Variants in FOXP2 observed in about 807,000 individuals in gnomAD.
FOXP2 encodes forkhead box P2, also known as forkhead box protein P2.
In FOXP2, 12 loss-of-function variants were observed where a neutral mutation model predicts 115.8. The ratio of observed to expected loss-of-function variants is 0.10; its 90% CI spans 0.07 to 0.17. The LOEUF (loss-of-function observed/expected upper bound fraction) is 0.17, where lower values mean the gene tolerates loss of function less well. FOXP2 is among the 10% of genes least tolerant of loss of function. The pLI is 1.00. For synonymous variants in FOXP2, 328 were observed against 297.7 expected (o/e 1.10, Z -1.05); for missense variants, 629 against 843.5 (o/e 0.75, Z 3.15).
chr7:114,677,320 T>C (rs962038713), intron 16 of FOXP2, among the ~76,000 whole-genome samples: 1 of 152,208 alleles, frequency 6.6e-6, no homozygotes, highest in Admixed American at 6.5e-5. Flanking sequence ...TATATAAATA[T>C]TCTAGTCATT....
intron 2 of FOXP2, among the ~76,000 whole-genome samples, chr7:114,489,339 T>C (rs1007139882): frequency 6.2e-4 from 95 of 152,158 alleles, no homozygotes; most frequent in Non-Finnish European, 1.2e-4. Context: ...GTTTTAAATA[T>C]ACTAGAAATA....
chr7:114,218,829 G>A (rs1294388312), intron 1 of FOXP2, among the ~76,000 whole-genome samples: 1 of 152,038 alleles, frequency 6.6e-6, no homozygotes, highest in Admixed American at 6.6e-5. Context: ...ATCCCAAACA[G>A]CCACATTTCT....
chr7:114,226,128 T>A (rs1387380569), intron 1 of FOXP2, among the ~76,000 whole-genome samples: 2 of 152,228 alleles, frequency 1.3e-5, no homozygotes, highest in Non-Finnish European at 2.9e-5. Context: ...ACTCATAAAA[T>A]GTTTTACCTT....
chr7:114,154,437 A>T (rs1187352003), intron 1 of FOXP2, among the ~76,000 whole-genome samples: 1 of 152,088 alleles, frequency 6.6e-6, no homozygotes, highest in Admixed American at 6.6e-5. Flanking sequence ...TATTCAAAAA[A>T]TAAGTGTAAG....
chr7:114,413,591 C>T (rs1793224211), upstream of FOXP2, among the ~76,000 whole-genome samples: 1 of 152,010 alleles, frequency 6.6e-6, no homozygotes. Flanking sequence ...AGAATAAGTG[C>T]TTTCAGTTCC....
intron 2 of FOXP2, among the ~76,000 whole-genome samples, chr7:114,477,283 A>G (rs1306793061): frequency 1.3e-5 from 2 of 152,026 alleles, no homozygotes; most frequent in Non-Finnish European, 2.9e-5. Flanking sequence ...TAGTTTGGAC[A>G]AAGAAAATAT....
rs554304106 is a variant in FOXP2, at chr7:114,186,637, C to A, written c.-102+23549C>A. 3.0e-4 allele frequency among the ~76,000 whole-genome samples: 46 copies of A among 152,238 alleles called. No individual in the cohort carries two copies. The South Asian group carries it at 8.1e-3, about 27-fold the overall frequency. On this transcript the variant is annotated intron_variant, in intron 1 of 17. Transcript: ENST00000634411. ...TTGCCAGGTTGGTGTTACACTCTGG[C>A]AGCTCTAGAGTTCTGCAGATGGCCT... is the stretch of plus-strand genomic sequence containing the variant.
intron 2 of FOXP2, among the ~76,000 whole-genome samples, chr7:114,531,391 G>A (rs905460435): frequency 6.6e-6 from 1 of 151,792 alleles, no homozygotes; most frequent in Non-Finnish European, 1.5e-5. Context: ...CATTTTTTGA[G>A]TGGCTATAAT....
chr7:114,577,927 A>G (rs1447560612), intron 3 of FOXP2, among the ~76,000 whole-genome samples: 1 of 151,762 alleles, frequency 6.6e-6, no homozygotes, highest in African/African-American at 2.4e-5. Flanking sequence ...TATTAAGCAT[A>G]ATTCATAAAT....
At position 114,176,334 on chromosome 7, in the gene FOXP2, CTT is replaced by C. The variant is rs1793309084; in HGVS notation, c.-102+13248_-102+13249del. Among the ~76,000 whole-genome samples, 35 of 129,862 alleles carry C rather than the reference CTT, an allele frequency of 2.7e-4. 1 individual carries two copies. The highest frequency in any genetic ancestry group is 8.9e-4 in the African/African-American group (31 of 34,908). 85.2% of individuals were successfully genotyped at this position (129,862 alleles called of 152,430 possible). A position where few individuals can be genotyped will look rare whatever the true frequency, so the allele number is the denominator to read the frequency against. ...TCTCTCTCTCTCTTTCTTTTTCTTT[CTT>C]TCTCTCTCTCTCTCTCTTTCTTGAC... On this transcript the variant is annotated intron_variant, in intron 1 of 17. Coordinates refer to the FOXP2 transcript ENST00000634411.
At chr7:114,469,774 A>G (rs552739728) in intron 2 of FOXP2, among the ~76,000 whole-genome samples, 2 of 152,078 alleles carry the variant, frequency 1.3e-5, no homozygotes, top group East Asian at 1.9e-4. Flanking sequence ...ATCTGTAATA[A>G]TTTTTTGCAA....
intron 1 of FOXP2, among the ~76,000 whole-genome samples, chr7:114,203,725 T>A (rs572430086): frequency 6.6e-6 from 1 of 152,342 alleles, no homozygotes; most frequent in East Asian, 1.9e-4. Flanking sequence ...TTCTCCTTTC[T>A]ACTGTTCTCT....
intron 1 of FOXP2, among the ~76,000 whole-genome samples, chr7:114,220,371 A>G (rs1422627626): frequency 6.6e-6 from 1 of 152,168 alleles, no homozygotes. Flanking sequence ...TTCTGTTACT[A>G]TATTTACATG....
At position 114,573,166 on chromosome 7, in the gene FOXP2, A is replaced by C. The variant is rs567233461; in HGVS notation, c.258+38460A>C. Reference sequence around the variant, plus strand: ...ATTTCATACTTCATCTTGGTCATTGAGTGACTTTACAAATGGGGCTTCTTG... The same window carrying C: ...ATTTCATACTTCATCTTGGTCATTGCGTGACTTTACAAATGGGGCTTCTTG... On this transcript the variant is annotated intron_variant, in intron 3 of 16. Coordinates refer to ENST00000350908, the MANE Select transcript of FOXP2 (RefSeq NM_014491.4). Among the ~76,000 whole-genome samples, 12 of 151,890 alleles carry C rather than the reference A, an allele frequency of 7.9e-5. No homozygotes were observed. The South Asian group carries it at 1.0e-3, about 13-fold the overall frequency.
At chr7:114,432,892 A>T (rs191234894) in intron 2 of FOXP2, among the ~76,000 whole-genome samples, 1 of 152,074 alleles carries the variant, frequency 6.6e-6, no homozygotes, top group African/African-American at 2.4e-5. Context: ...TTCTATTATC[A>T]TCCACAGTTA....
chr7:114,295,898 T>C (rs1385456620), intron 2 of FOXP2, among the ~76,000 whole-genome samples: 2 of 152,312 alleles, frequency 1.3e-5, no homozygotes, highest in African/African-American at 4.8e-5. Context: ...GATTGACTCC[T>C]TTGCCTGAAG....
At chr7:114,294,924 A>G (rs373870101) in intron 2 of FOXP2, among the ~76,000 whole-genome samples, 2 of 152,126 alleles carry the variant, frequency 1.3e-5, no homozygotes, top group East Asian at 1.9e-4. Context: ...ACATACATAC[A>G]TACATACATA....
intron 1 of FOXP2, among the ~76,000 whole-genome samples, chr7:114,102,728 A>ACACACACACACACACACC (rs1791017698): frequency 6.6e-6 from 1 of 151,196 alleles, no homozygotes; most frequent in African/African-American, 2.4e-5. Flanking sequence ...ACACACACAC[A>ACACACACACACACACACC]CACACCCCAA....
intron 16 of FOXP2, chr7:114,666,688 C>G (rs1807178157): frequency 6.6e-6 from 1 of 152,112 alleles, no homozygotes; most frequent in African/African-American, 2.4e-5. Flanking sequence ...CAATTGTAAA[C>G]AAGAGGAAAT....
Sources: allele counts gnomAD v4.1 joint callset (sites outside exome capture counted in the v4.1 genomes callset), GRCh38; gene constraint gnomAD v4.1.1; transcripts MANE v1.5; gene names NCBI Gene and HGNC (gene_info 2026-07-23, HGNC 2026-07-21).